PPL: variants seen among roughly 807,000 people sequenced by gnomAD.
PPL encodes the protein periplakin.
PPL carries 198 observed loss-of-function variants against 194.4 expected under a neutral mutation model. The ratio of observed to expected loss-of-function variants is 1.02; its 90% CI spans 0.91 to 1.15. The LOEUF is 1.15. Ranked by LOEUF, PPL falls within the 50% of genes most tolerant of loss-of-function variation. The pLI, the probability that PPL is intolerant of heterozygous loss-of-function variation, is 0.00. For synonymous variants in PPL, 1,220 were observed against 972.4 expected (o/e 1.25, Z -4.74); for missense variants, 2,885 against 2,294.8 (o/e 1.26, Z -5.25).
Position 4,890,449 on chromosome 16 carries a change from T to C in PPL, c.2163-115A>G. On this transcript the variant is annotated intron_variant, in intron 17 of 21. Coordinates refer to ENST00000345988, the MANE Select transcript of PPL (RefSeq NM_002705.5). ...ATGTAACAACCAGAAATACCCCAAG[T>C]ATCTCCCACACAGGGTGGGTGGTCA... The C allele has an allele frequency of 2.3e-6, 3 of 1,304,480 alleles. No homozygotes were observed. The South Asian group carries it at 4.6e-5, about 20-fold the overall frequency. 80.8% of individuals were successfully genotyped at this position (1,304,480 alleles called of 1,614,324 possible). A position where few individuals can be genotyped will look rare whatever the true frequency, so the allele number is the denominator to read the frequency against.
chr16:4,906,518 C>T (rs2088687081), intron 2 of PPL, among the ~76,000 whole-genome samples: 1 of 152,224 alleles, frequency 6.6e-6, no homozygotes, highest in Middle Eastern at 3.2e-3. Flanking sequence ...AGCCACCGCG[C>T]CCGGCCTGCT....
At chr16:4,904,350 G>A (rs1166564802) in intron 2 of PPL, among the ~76,000 whole-genome samples, 1 of 152,208 alleles carries the variant, frequency 6.6e-6, no homozygotes. Flanking sequence ...GTGAACAGAA[G>A]AGACATGGCC....
chr16:4,906,697 G>A (rs1455098153), intron 2 of PPL, among the ~76,000 whole-genome samples: 2 of 152,242 alleles, frequency 1.3e-5, no homozygotes, highest in Non-Finnish European at 2.9e-5. Context: ...AGAACATCTA[G>A]CTGAGGGAGG....
chr16:4,921,288 C>G (rs1334851634), intron 1 of PPL, among the ~76,000 whole-genome samples: 2 of 152,212 alleles, frequency 1.3e-5, no homozygotes, highest in African/African-American at 4.8e-5. Flanking sequence ...CTCCCAGGGA[C>G]CAGACAAGGG....
At chr16:4,889,666 C>T in intron 18 of PPL, among the ~76,000 whole-genome samples, 1 of 152,174 alleles carries the variant, frequency 6.6e-6, no homozygotes, top group East Asian at 1.9e-4. Flanking sequence ...TGCTGTCTGA[C>T]TTAGATTATC....
intron 12 of PPL, chr16:4,893,938 T>C: frequency 2.3e-6 from 1 of 433,098 alleles, no homozygotes. Context: ...AAATACTTAA[T>C]AAATGAAGGC....
chr16:4,889,256 T>TG (rs1567992965), intron 18 of PPL, among the ~76,000 whole-genome samples, 195 bp from the exon 19 acceptor site: 3 of 124,450 alleles, frequency 2.4e-5, no homozygotes, highest in Non-Finnish European at 3.3e-5. Context: ...TTTTTTTTTT[T>TG]TTTTTTTTTT....
At chr16:4,886,566 A>T (rs1377751745) in intron 21 of PPL, among the ~76,000 whole-genome samples, 1 of 152,228 alleles carries the variant, frequency 6.6e-6, no homozygotes, top group East Asian at 1.9e-4. Context: ...CTATTAAAAA[A>T]CAATGCTGTC....
Position 4,890,865 on chromosome 16 carries a change from G to T in PPL, c.2025C>A (p.Asn675Lys). 6.4e-7 allele frequency: 1 copy of T among 1,554,564 alleles called. No homozygotes were observed. Among genetic ancestry groups the T allele is most frequent in the East Asian group, 2.4e-5 (1 of 41,294 alleles). Reference protein sequence around the residue: ...QKSLLGEVEQNLQAAKQCSST... With the variant: ...QKSLLGEVEQKLQAAKQCSST... ...TCGAGCACTGCTTGGCCGCCTGCAA[G>T]TTCTGCTCCACCTCACCCAGGAGGG... The change falls in exon 17 of 22, where the codon AAC becomes AAA. Residue 675 changes from asparagine to lysine, a missense_variant. By Grantham distance (94) the Asn-to-Lys change is moderately conservative. Transcript: ENST00000345988.
In PPL at chr16:4,891,931, G is replaced by T; in HGVS notation, c.1848C>A (p.Arg616=). 1 of 1,613,222 alleles carries T rather than the reference G, an allele frequency of 6.2e-7. No homozygotes were observed. The highest frequency in any genetic ancestry group is 8.5e-7 in the Non-Finnish European group (1 of 1,179,904). ...AGCTCTGCTGCAGGCTCTTCTCCAG[G>T]CGGTTGGCCACATCAACCCTGAGAG... ...LAQEKVDVAN[R]LEKSLQQSWE... is the part of the protein sequence containing the mutation. The change falls in exon 16 of 22, where the codon CGC becomes CGA. Residue 616 remains arginine, a synonymous_variant. Coordinates refer to ENST00000345988, the MANE Select transcript of PPL (RefSeq NM_002705.5).
intron 1 of PPL, among the ~76,000 whole-genome samples, chr16:4,919,977 G>C (rs537946613): frequency 5.5e-4 from 84 of 151,870 alleles, no homozygotes; most frequent in Non-Finnish European, 9.6e-4. Context: ...GGGGTAATCA[G>C]GGTCACTTTT....
In PPL at chr16:4,884,052, C is replaced by T. The variant is rs773289362; in HGVS notation, c.4603G>A (p.Val1535Ile). The stretch of plus-strand genomic sequence containing the variant: ...CTGGCTTCCAGCCGGCTCACCTCGA[C>T]GTCCAGCTCGCGCTTGCTGCGGCTC... Reference protein sequence around the residue: ...EESRSKRELDVEVSRLEARLS... With the variant: ...EESRSKRELDIEVSRLEARLS... Residue 1535 changes from valine to isoleucine, a missense_variant, in exon 22 of 22, where the codon GTC becomes ATC. Physicochemically the swap from Val to Ile is conservative, Grantham distance 29. Transcript: ENST00000345988. This position sits in a 1 kb window ranked among gnomAD's most constrained non-coding sequence, Gnocchi z 5.7. 24 of 1,613,336 alleles carry T rather than the reference C, an allele frequency of 1.5e-5. No homozygotes were observed. Among genetic ancestry groups the T allele is most frequent in the South Asian group, 2.2e-5 (2 of 91,094 alleles).
intron 1 of PPL, among the ~76,000 whole-genome samples, chr16:4,911,262 A>G (rs2088815613): frequency 6.6e-6 from 1 of 150,864 alleles, no homozygotes; most frequent in South Asian, 2.1e-4. Flanking sequence ...CCTGGGTTCA[A>G]ATGATTCTCA....
At chr16:4,893,434 G>A (rs553536249) in intron 13 of PPL, 64 bp from the exon 14 acceptor site, 2 of 1,589,572 alleles carry the variant, frequency 1.3e-6, no homozygotes, top group African/African-American at 1.3e-5. Flanking sequence ...GCCCAGGGAT[G>A]GACCTAGGCA....
intron 9 of PPL, 129 bp downstream of exon 9, chr16:4,897,546 C>T (rs1391053698): frequency 3.0e-6 from 2 of 666,250 alleles, no homozygotes; most frequent in Non-Finnish European, 5.2e-6. Context: ...GTGCTGGGGG[C>T]CTGGGATGGC....
chr16:4,897,371 T>C (rs1219216316), intron 9 of PPL, among the ~76,000 whole-genome samples: 1 of 151,094 alleles, frequency 6.6e-6, no homozygotes, highest in African/African-American at 2.4e-5. Flanking sequence ...AATTTTGTTT[T>C]ATGTATCTGC....
chr16:4,889,104 AT>A (rs759660446), intron 18 of PPL, 43 bp from the exon 19 acceptor site: 1 of 1,575,714 alleles, frequency 6.3e-7, no homozygotes, highest in South Asian at 1.1e-5. Context: ...CAGAAAAAAA[AT>A]TTAAAAAAGC....
rs137985169 is a variant in PPL at position 4,884,073 on chromosome 16, G to A, written c.4582C>T (p.Arg1528Cys). The change falls in exon 22 of 22, where the codon CGC (arginine) becomes TGC (cysteine). Residue 1528 changes from arginine to cysteine, a missense_variant. Coordinates refer to ENST00000345988, the MANE Select transcript of PPL (RefSeq NM_002705.5). This position sits in a 1 kb window ranked among gnomAD's most constrained non-coding sequence, Gnocchi z 5.7. ...RLKSSLEEES[R>C]SKRELDVEVS... Reference sequence around the variant, plus strand: ...TCGACGTCCAGCTCGCGCTTGCTGCGGCTCTCCTCCTCCAGGCTGCTCTTG... The same window carrying A: ...TCGACGTCCAGCTCGCGCTTGCTGCAGCTCTCCTCCTCCAGGCTGCTCTTG... The A allele has an allele frequency of 9.3e-5, 150 of 1,612,992 alleles. No individual in the cohort carries two copies. In the African/African-American group the frequency reaches 1.7e-3, roughly 18 times the overall value.
chr16:4,912,322 C>T (rs1288690050), intron 1 of PPL, among the ~76,000 whole-genome samples: 1 of 152,276 alleles, frequency 6.6e-6, no homozygotes, highest in African/African-American at 2.4e-5. Flanking sequence ...CCTTTTGCGT[C>T]TGCCTTCTCT....
Sources: allele counts gnomAD v4.1 joint callset (sites outside exome capture counted in the v4.1 genomes callset), GRCh38; gene constraint gnomAD v4.1.1; non-coding constraint Gnocchi (gnomAD v3.1); transcripts MANE v1.5; gene names NCBI Gene and HGNC (gene_info 2026-07-23, HGNC 2026-07-21).